Variants in NLGN1 observed in about 807,000 individuals in gnomAD.
The protein encoded by NLGN1 is neuroligin-1.
A neutral mutation model predicts 65.5 loss-of-function variants in NLGN1; 12 were observed. The ratio of observed to expected loss-of-function variants is 0.18; its 90% CI spans 0.12 to 0.30. NLGN1 has a LOEUF of 0.30. NLGN1 is among the 10% of genes least tolerant of loss of function. The pLI is 1.00. For synonymous variants in NLGN1, 350 were observed against 359.5 expected (o/e 0.97, Z 0.30); for missense variants, 750 against 1,007.1 (o/e 0.74, Z 3.46).
chr3:174,041,986 A>G (rs1215870861), intron 4 of NLGN1, among the ~76,000 whole-genome samples: 4 of 152,050 alleles, frequency 2.6e-5, no homozygotes, highest in African/African-American at 9.7e-5. Context: ...CCTGGGAGGT[A>G]GAGGTTGCAG....
intron 2 of NLGN1, among the ~76,000 whole-genome samples, chr3:173,576,810 G>A (rs1021254766): frequency 1.3e-5 from 2 of 151,902 alleles, no homozygotes; most frequent in African/African-American, 4.8e-5. Context: ...GGTGGTGGAG[G>A]GTATTATTCC....
intron 3 of NLGN1, among the ~76,000 whole-genome samples, chr3:173,759,124 T>C (rs1231898608): frequency 2.0e-5 from 3 of 151,840 alleles, no homozygotes; most frequent in African/African-American, 7.2e-5. Context: ...CAATTTTAAC[T>C]TCCTAACATG....
At chr3:173,673,664 G>T (rs74411797) in intron 3 of NLGN1, among the ~76,000 whole-genome samples, 2,185 of 152,232 alleles carry the variant, frequency 0.014, 68 homozygotes, top group African/African-American at 0.05. Flanking sequence ...TAAATATCTT[G>T]TTAATGTTAT....
At chr3:173,662,861 C>A (rs1761134830) in intron 3 of NLGN1, among the ~76,000 whole-genome samples, 1 of 151,824 alleles carries the variant, frequency 6.6e-6, no homozygotes, top group African/African-American at 2.4e-5. Context: ...ATTTTCCTGC[C>A]CAAAATGTCA....
At chr3:173,866,517 C>A (rs989526442) in intron 4 of NLGN1, among the ~76,000 whole-genome samples, 1 of 152,108 alleles carries the variant, frequency 6.6e-6, no homozygotes, top group Admixed American at 6.5e-5. Context: ...AGAAATTGGG[C>A]GTATGTTTGC....
chr3:173,667,825 G>T (rs952208963), intron 3 of NLGN1, among the ~76,000 whole-genome samples: 7 of 152,050 alleles, frequency 4.6e-5, no homozygotes, highest in African/African-American at 1.7e-4. Context: ...TAGAGTCGGG[G>T]TTTCACCATA....
At chr3:174,201,189 A>G (rs1017537655) in intron 4 of NLGN1, among the ~76,000 whole-genome samples, 3 of 151,674 alleles carry the variant, frequency 2.0e-5, no homozygotes, top group African/African-American at 7.3e-5. Flanking sequence ...GCTGCAGTGA[A>G]CTGTGATTGC....
chr3:174,194,921 G>A (rs936365708), intron 4 of NLGN1, among the ~76,000 whole-genome samples: 1 of 149,286 alleles, frequency 6.7e-6, no homozygotes, highest in African/African-American at 2.5e-5. Flanking sequence ...GAGTGCAATG[G>A]CACGATCTTG....
intron 3 of NLGN1, among the ~76,000 whole-genome samples, chr3:173,722,241 CTTT>C (rs58327862): frequency 0.038 from 3,831 of 100,092 alleles, 183 homozygotes; most frequent in African/African-American, 0.13. Context: ...TCTTCTTCTT[CTTT>C]TTTTTTTTTT....
In NLGN1 at chr3:173,844,618, C is replaced by T. The variant is rs761739211; in HGVS notation, c.646+36786C>T. On this transcript the variant is annotated intron_variant, in intron 4 of 6. Coordinates refer to ENST00000457714, the Ensembl canonical transcript of NLGN1. ...AGCAGAGGCAGAAAAAACAATTCAT[C>T]TGGTTTCATCTCCTCTGCATTTAGA... is the stretch of plus-strand genomic sequence containing the variant. Among the ~76,000 whole-genome samples the T allele has an allele frequency of 2.0e-4, 30 of 152,128 alleles. 1 individual carries two copies. The highest frequency in any genetic ancestry group is 3.5e-4 in the Non-Finnish European group (24 of 68,006).
chr3:173,560,358 G>A (rs578197988), intron 2 of NLGN1, among the ~76,000 whole-genome samples: 1 of 151,590 alleles, frequency 6.6e-6, no homozygotes, highest in Non-Finnish European at 1.5e-5. Flanking sequence ...AAGCAAGGAA[G>A]AAAAGGAAGG....
chr3:174,108,652 G>A (rs984611794), intron 4 of NLGN1, among the ~76,000 whole-genome samples: 1 of 152,082 alleles, frequency 6.6e-6, no homozygotes, highest in Middle Eastern at 3.2e-3. Flanking sequence ...TCAGTGCATG[G>A]AAATTACTAA....
intron 4 of NLGN1, among the ~76,000 whole-genome samples, chr3:173,823,919 T>TAA (rs5854540): frequency 6.7e-6 from 1 of 148,492 alleles, no homozygotes; most frequent in South Asian, 2.1e-4. Flanking sequence ...CTTGTTAATT[T>TAA]AAAAAAAAAA....
At chr3:173,863,800 A>T (rs1444971299) in intron 4 of NLGN1, among the ~76,000 whole-genome samples, 1 of 152,210 alleles carries the variant, frequency 6.6e-6, no homozygotes, top group Non-Finnish European at 1.5e-5. Flanking sequence ...AATGATGGTG[A>T]CCATAATACA....
At chr3:173,446,171 T>A (rs1215359314) in intron 2 of NLGN1, among the ~76,000 whole-genome samples, 1 of 151,938 alleles carries the variant, frequency 6.6e-6, no homozygotes, top group East Asian at 1.9e-4. Context: ...CCCATCAACT[T>A]GTCATTTAGC....
At chr3:174,097,937 C>T (rs1026766391) in intron 4 of NLGN1, among the ~76,000 whole-genome samples, 4 of 152,130 alleles carry the variant, frequency 2.6e-5, no homozygotes, top group South Asian at 4.1e-4. Flanking sequence ...TTAACTAACT[C>T]GTGTAGCTCT....
chr3:173,887,436 C>T (rs995649010), intron 4 of NLGN1, among the ~76,000 whole-genome samples: 6 of 151,820 alleles, frequency 4.0e-5, no homozygotes, highest in Non-Finnish European at 7.4e-5. Flanking sequence ...AAAACAAATG[C>T]TTGGTGAATT....
At chr3:173,825,842 A>G (rs1214655870) in intron 4 of NLGN1, among the ~76,000 whole-genome samples, 1 of 152,062 alleles carries the variant, frequency 6.6e-6, no homozygotes, top group Admixed American at 6.6e-5. Flanking sequence ...AGATAGCCTA[A>G]TCCTTAACTG....
intron 4 of NLGN1, among the ~76,000 whole-genome samples, chr3:174,089,259 C>T (rs1294700321): frequency 2.0e-5 from 3 of 152,146 alleles, no homozygotes; most frequent in Non-Finnish European, 4.4e-5. Context: ...CATAAATAAA[C>T]ATATAACCTG....
Sources: gnomAD v4.1 joint callset for allele counts (sites outside exome capture counted in the v4.1 genomes callset) on GRCh38, gnomAD v4.1.1 for gene constraint, MANE v1.5 for transcripts, NCBI Gene and HGNC (gene_info 2026-07-23, HGNC 2026-07-21) for gene names.